The following SMAD2 variants were observed in gnomAD, a reference collection of about 807,000 sequenced individuals.
SMAD2 encodes SMAD family member 2, also known as MAD homolog 2.
A neutral mutation model predicts 64.4 loss-of-function variants in SMAD2; 8 were observed. The ratio of observed to expected loss-of-function variants is 0.12; its 90% CI spans 0.07 to 0.22. The LOEUF is 0.22. SMAD2 is among the 10% of genes least tolerant of loss of function. SMAD2 has a pLI of 1.00. For missense variants in SMAD2, 289 were observed against 561.2 expected (o/e 0.51, Z 4.90); for synonymous variants, 203 against 195.8 (o/e 1.04, Z -0.31).
intron 4 of SMAD2, among the ~76,000 whole-genome samples, chr18:47,868,812 T>C (rs2031750504): frequency 6.6e-6 from 1 of 152,328 alleles, no homozygotes; most frequent in South Asian, 2.1e-4. Flanking sequence ...ACTGCTATAT[T>C]TTTTAATAGT....
intron 2 of SMAD2, among the ~76,000 whole-genome samples, chr18:47,877,176 T>TA (rs1431734327): frequency 2.0e-5 from 3 of 151,342 alleles, no homozygotes; most frequent in East Asian, 1.9e-4. Context: ...TTTTTTTTTT[T>TA]AACAAATCAA....
intron 1 of SMAD2, among the ~76,000 whole-genome samples, chr18:47,926,900 G>A (rs1012816587): frequency 2.0e-5 from 3 of 152,124 alleles, no homozygotes; most frequent in Non-Finnish European, 4.4e-5. Flanking sequence ...TAAGAGGAAG[G>A]GGTTAGTACT....
intron 2 of SMAD2, among the ~76,000 whole-genome samples, chr18:47,888,465 G>A (rs1246245512): frequency 2.6e-5 from 4 of 152,204 alleles, no homozygotes. Flanking sequence ...AGGCTAAAGA[G>A]CTCATACTTT....
intron 6 of SMAD2, among the ~76,000 whole-genome samples, chr18:47,852,544 T>C (rs578085514): frequency 2.0e-5 from 3 of 152,204 alleles, no homozygotes; most frequent in Non-Finnish European, 4.4e-5. Flanking sequence ...TATGACAATC[T>C]AGCAGCTTTA....
Position 47,825,740 on chromosome 18 carries a change from G to A in SMAD2, c.*16087C>T, listed in dbSNP as rs1912730315. The A allele has an allele frequency of 6.6e-6, 1 of 152,184 alleles. No individual in the cohort carries two copies. The highest frequency in any genetic ancestry group is 1.5e-5 in the Non-Finnish European group (1 of 68,046). The allele number at this position is 152,184 out of a possible 1,614,324, so 9.4% of individuals were successfully genotyped here. A position where few individuals can be genotyped will look rare whatever the true frequency, so the allele number is the denominator to read the frequency against. On this transcript the variant is annotated 3_prime_UTR_variant, in exon 11 of 11. Transcript: ENST00000262160. ...AGAACAATTCCTGACCTCCTTGGAA[G>A]CAGAAACTTGACTCTCCGGGCAAGA... is the stretch of plus-strand genomic sequence containing the variant.
intron 1 of SMAD2, among the ~76,000 whole-genome samples, chr18:47,929,020 T>C (rs1045155931): frequency 6.6e-6 from 1 of 152,242 alleles, no homozygotes. Context: ...TTGAATTTAA[T>C]ATAAACGTTT....
chr18:47,914,690 C>T (rs896501552), intron 1 of SMAD2, among the ~76,000 whole-genome samples: 4 of 152,112 alleles, frequency 2.6e-5, no homozygotes, highest in African/African-American at 4.8e-5. Context: ...TCTGATCACA[C>T]GCATTCTGTT....
chr18:47,898,238 G>C (rs2033526991), intron 1 of SMAD2, among the ~76,000 whole-genome samples: 1 of 152,156 alleles, frequency 6.6e-6, no homozygotes, highest in African/African-American at 2.4e-5. Context: ...GGTCAAATGT[G>C]ACAGCTTTAT....
intron 1 of SMAD2, among the ~76,000 whole-genome samples, chr18:47,920,399 T>A (rs1190613694): frequency 6.6e-6 from 1 of 152,234 alleles, no homozygotes; most frequent in Non-Finnish European, 1.5e-5. Flanking sequence ...CATTGAAATA[T>A]TTAACATTCT....
chr18:47,895,052 C>T (rs2033375926), intron 2 of SMAD2, among the ~76,000 whole-genome samples: 1 of 152,202 alleles, frequency 6.6e-6, no homozygotes, highest in African/African-American at 2.4e-5. Context: ...TACCCTACTA[C>T]ACACATACCA....
Position 47,827,409 on chromosome 18 carries a change from A to C in SMAD2, c.*14418T>G, listed in dbSNP as rs142226342. On this transcript the variant is annotated 3_prime_UTR_variant, in exon 11 of 11. Coordinates refer to ENST00000262160, the MANE Select transcript of SMAD2 (RefSeq NM_005901.6). Reference sequence around the variant, plus strand: ...CAATCACTATGTAAATTGTGAATTAAGACATTATTACTTGGTGGCAATAAC... The same window carrying C: ...CAATCACTATGTAAATTGTGAATTACGACATTATTACTTGGTGGCAATAAC... 1 of 152,356 alleles carries C rather than the reference A, an allele frequency of 6.6e-6. No homozygotes were observed. The highest frequency in any genetic ancestry group is 1.9e-4 in the East Asian group (1 of 5,174). 9.4% of individuals were successfully genotyped at this position (152,356 alleles called of 1,614,324 possible). A position where few individuals can be genotyped will look rare whatever the true frequency, so the allele number is the denominator to read the frequency against.
chr18:47,911,675 G>T lies in SMAD2; in HGVS notation c.-53-14866C>A, dbSNP rs1295054788. On this transcript the variant is annotated intron_variant, in intron 1 of 10. Transcript: ENST00000262160. ...CTTTCTTTAGCAATATAGTAGAAAT[G>T]GTGGGAAAGTGAGGTTTGCATAGAA... 8.5e-5 allele frequency among the ~76,000 whole-genome samples: 13 copies of T among 152,176 alleles called. 1 individual carries two copies. Among genetic ancestry groups the T allele is most frequent in the Admixed American group, 8.5e-4 (13 of 15,284 alleles).
intron 1 of SMAD2, among the ~76,000 whole-genome samples, chr18:47,926,377 T>C (rs991288143): frequency 1.3e-5 from 2 of 152,236 alleles, no homozygotes; most frequent in African/African-American, 4.8e-5. Flanking sequence ...GGTCTGGTCC[T>C]GCACTCAATG....
At chr18:47,850,598 ATT>A (rs1915311738) in intron 7 of SMAD2, among the ~76,000 whole-genome samples, 1 of 59,778 alleles carries the variant, frequency 1.7e-5, no homozygotes, top group African/African-American at 8.1e-5. Flanking sequence ...TATTATATAT[ATT>A]ATGTATAATA....
intron 1 of SMAD2, among the ~76,000 whole-genome samples, chr18:47,928,118 A>G (rs1039876617): frequency 6.6e-6 from 1 of 151,902 alleles, no homozygotes; most frequent in Non-Finnish European, 1.5e-5. Context: ...TCTAAAAATG[A>G]CTCTTTGTCC....
At chr18:47,868,081 T>G (rs1027251358) in intron 5 of SMAD2, among the ~76,000 whole-genome samples, 1 of 152,208 alleles carries the variant, frequency 6.6e-6, no homozygotes, top group Non-Finnish European at 1.5e-5. Flanking sequence ...CTTCTCACAG[T>G]ACTTTGATTA....
chr18:47,868,290 C>A (rs766625157), intron 5 of SMAD2, 33 bp downstream of exon 5: 4 of 1,583,754 alleles, frequency 2.5e-6, no homozygotes, highest in South Asian at 1.1e-5. Flanking sequence ...TTGTATCTAT[C>A]CAAGTTTTAG....
Position 47,889,512 on chromosome 18 carries a change from C to T in SMAD2, c.236+7009G>A, listed in dbSNP as rs189886162. Among the ~76,000 whole-genome samples the T allele has an allele frequency of 1.5e-3, 233 of 152,178 alleles. 1 individual carries two copies. Among genetic ancestry groups the T allele is most frequent in the Non-Finnish European group, 2.1e-4 (14 of 68,002 alleles). On this transcript the variant is annotated intron_variant, in intron 2 of 10. Coordinates refer to ENST00000262160, the MANE Select transcript of SMAD2 (RefSeq NM_005901.6). ...AACAGTCGGGCGCGGTGGCTCACAC[C>T]TGTAATCCCAGCACTTTGGGAGGCC...
rs1015243949 is a variant in SMAD2, at chr18:47,868,510, G to A, written c.521-53C>T. ...ATGGCAAAGAGCAAAGGGGAGTGGGGGAACCTTTTTTAAAGTTTTCAACAA... is the reference window on the plus strand; with the variant it reads ...ATGGCAAAGAGCAAAGGGGAGTGGGAGAACCTTTTTTAAAGTTTTCAACAA... On this transcript the variant is annotated intron_variant, in intron 4 of 10. Transcript: ENST00000262160. The A allele has an allele frequency of 1.7e-5, 26 of 1,523,328 alleles. No homozygotes were observed. In the East Asian group the frequency reaches 3.2e-4, roughly 18 times the overall value. The allele number at this position is 1,523,328 out of a possible 1,614,324, so 94.4% of individuals were successfully genotyped here.
Sources: gnomAD v4.1 joint callset for allele counts (sites outside exome capture counted in the v4.1 genomes callset) on GRCh38, gnomAD v4.1.1 for gene constraint, MANE v1.5 for transcripts, NCBI Gene and HGNC (gene_info 2026-07-23, HGNC 2026-07-21) for gene names.